Variants in RORA observed in about 807,000 individuals in gnomAD.
RORA encodes the protein nuclear receptor ROR-alpha.
RORA carries 7 observed loss-of-function variants against 69.5 expected under a neutral mutation model. The ratio of observed to expected loss-of-function variants is 0.10; its 90% CI spans 0.06 to 0.19. RORA has a LOEUF of 0.19. Among genes scored for constraint, RORA ranks in the 10% least tolerant of loss-of-function variants. RORA has a pLI of 1.00. For synonymous variants in RORA, 261 were observed against 240.8 expected (o/e 1.08, Z -0.78); for missense variants, 457 against 663.0 (o/e 0.69, Z 3.41).
At chr15:60,564,227 A>C (rs1329260375) in intron 2 of RORA, among the ~76,000 whole-genome samples, 2 of 152,160 alleles carry the variant, frequency 1.3e-5, no homozygotes, top group African/African-American at 2.4e-5. Context: ...AGTTCCCCTC[A>C]TCTGTAGAAT....
intron 1 of RORA, among the ~76,000 whole-genome samples, chr15:61,129,641 A>C (rs967500124): frequency 6.6e-6 from 1 of 152,236 alleles, no homozygotes; most frequent in African/African-American, 2.4e-5. Context: ...TTTAAATGGT[A>C]GAGTTTAAAG....
intron 1 of RORA, among the ~76,000 whole-genome samples, chr15:60,785,670 C>T (rs901538337): frequency 6.6e-6 from 1 of 152,186 alleles, no homozygotes; most frequent in Non-Finnish European, 1.5e-5. Flanking sequence ...TCACCCAGTT[C>T]CTCAAATACA....
At chr15:60,587,413 T>C (rs1190690732) in intron 2 of RORA, among the ~76,000 whole-genome samples, 1 of 152,190 alleles carries the variant, frequency 6.6e-6, no homozygotes, top group Admixed American at 6.5e-5. Context: ...GACAAAGTTA[T>C]ATCCAGGACG....
At chr15:60,541,887 C>A (rs2066883409) in intron 2 of RORA, among the ~76,000 whole-genome samples, 1 of 152,194 alleles carries the variant, frequency 6.6e-6, no homozygotes, top group Non-Finnish European at 1.5e-5. Flanking sequence ...GAGGCCCGCA[C>A]CACTGTCCTT....
chr15:60,957,765 TAAA>T lies in RORA; in HGVS notation c.166+271285_166+271287del, dbSNP rs545143354. ...CAGTATGACAGAAAAGAGAAGAACA[TAAA>T]GAAGATAGAGACTGTTCTAAAAGAG... is the stretch of plus-strand genomic sequence containing the variant. On this transcript the variant is annotated intron_variant, in intron 1 of 10. Coordinates refer to ENST00000335670, the MANE Select transcript of RORA (RefSeq NM_134261.3). 8.3e-4 allele frequency among the ~76,000 whole-genome samples: 127 copies of T among 152,248 alleles called. 1 individual carries two copies. Among genetic ancestry groups the T allele is most frequent in the African/African-American group, 2.8e-3 (116 of 41,548 alleles).
intron 2 of RORA, among the ~76,000 whole-genome samples, chr15:60,542,609 CCT>C (rs1430144454): frequency 1.4e-5 from 2 of 142,618 alleles, no homozygotes; most frequent in South Asian, 2.2e-4. Flanking sequence ...CGCATGCACA[CCT>C]CACACACGGC....
chr15:60,499,797 G>A (rs1191676025), intron 10 of RORA, 95 bp downstream of exon 10: 2 of 665,974 alleles, frequency 3.0e-6, no homozygotes, highest in South Asian at 2.1e-5. Context: ...GATACTTTTG[G>A]GAATTGGTCA....
intron 1 of RORA, among the ~76,000 whole-genome samples, chr15:60,842,121 C>A (rs2073207150): frequency 6.6e-6 from 1 of 152,068 alleles, no homozygotes; most frequent in East Asian, 1.9e-4. Flanking sequence ...TTCTAAAGTT[C>A]ACGAATTTGT....
chr15:61,093,521 G>C (rs2078740980), intron 1 of RORA, among the ~76,000 whole-genome samples: 1 of 152,244 alleles, frequency 6.6e-6, no homozygotes, highest in Non-Finnish European at 1.5e-5. Flanking sequence ...CCTGTACTCA[G>C]AAGTTACTTC....
chr15:60,879,519 T>C (rs748230513), intron 1 of RORA, among the ~76,000 whole-genome samples: 4 of 152,232 alleles, frequency 2.6e-5, no homozygotes, highest in Non-Finnish European at 5.9e-5. Context: ...AATAAAATGA[T>C]ACTCTAAACA....
At chr15:60,995,212 A>G (rs1282104083) in intron 1 of RORA, among the ~76,000 whole-genome samples, 1 of 152,126 alleles carries the variant, frequency 6.6e-6, no homozygotes, top group East Asian at 1.9e-4. Context: ...CTTTCCGCAG[A>G]TGCTCAGCTG....
chr15:61,134,525 A>G (rs1223130237), intron 1 of RORA, among the ~76,000 whole-genome samples: 4 of 152,356 alleles, frequency 2.6e-5, no homozygotes, highest in East Asian at 3.9e-4. Context: ...GAGGCACTCA[A>G]TAAGTATTAG....
intron 1 of RORA, among the ~76,000 whole-genome samples, chr15:60,832,224 C>A (rs1195974708): frequency 6.6e-6 from 1 of 152,148 alleles, no homozygotes; most frequent in Non-Finnish European, 1.5e-5. Flanking sequence ...ACACAACTTT[C>A]AGGTGGGGCC....
intron 1 of RORA, among the ~76,000 whole-genome samples, chr15:60,748,979 A>T (rs2071686009): frequency 6.6e-6 from 1 of 152,220 alleles, no homozygotes; most frequent in African/African-American, 2.4e-5. Flanking sequence ...TGTATAATAG[A>T]TAATTATAAA....
At chr15:60,837,829 G>C (rs1239293687) in intron 1 of RORA, among the ~76,000 whole-genome samples, 1 of 152,140 alleles carries the variant, frequency 6.6e-6, no homozygotes, top group Non-Finnish European at 1.5e-5. Flanking sequence ...TGGATATTTG[G>C]ACACCTCTGG....
At chr15:60,504,496 G>A (rs1351012405) in intron 6 of RORA, among the ~76,000 whole-genome samples, 1 of 152,152 alleles carries the variant, frequency 6.6e-6, no homozygotes, top group Non-Finnish European at 1.5e-5. Context: ...GCAGTGAGCC[G>A]AGATTGCGCC....
chr15:60,560,853 C>T (rs893833373), intron 2 of RORA, among the ~76,000 whole-genome samples: 1 of 151,884 alleles, frequency 6.6e-6, no homozygotes, highest in Non-Finnish European at 1.5e-5. Context: ...AAAGTTACAC[C>T]AGCTTATTGA....
intron 1 of RORA, among the ~76,000 whole-genome samples, chr15:61,086,090 G>A (rs2078620649): frequency 6.6e-6 from 1 of 152,348 alleles, no homozygotes; most frequent in Non-Finnish European, 1.5e-5. Context: ...AGGAAAAGAA[G>A]TACTATCATG....
At chr15:61,041,367 T>C (rs1968346011) in intron 1 of RORA, among the ~76,000 whole-genome samples, 1 of 151,924 alleles carries the variant, frequency 6.6e-6, no homozygotes, top group Non-Finnish European at 1.5e-5. Flanking sequence ...CTATCAGAGG[T>C]GCTTTCCATC....
Sources: gnomAD v4.1 joint callset for allele counts (sites outside exome capture counted in the v4.1 genomes callset) on GRCh38, gnomAD v4.1.1 for gene constraint, MANE v1.5 for transcripts, NCBI Gene and HGNC (gene_info 2026-07-23, HGNC 2026-07-21) for gene names.